Variants in B3GALNT2 observed in about 807,000 individuals in gnomAD.
B3GALNT2 encodes the protein beta-1,3-N-acetylgalactosaminyltransferase 2.
Under a neutral mutation model 61.1 loss-of-function variants are expected in B3GALNT2, and 53 were observed. That is an observed-to-expected ratio of 0.87 (90% CI 0.70 to 1.09). B3GALNT2 has a LOEUF of 1.09. Among genes scored for constraint, B3GALNT2 ranks in the 50% least tolerant of loss-of-function variants. The pLI is 0.00. For missense variants in B3GALNT2, 544 were observed against 623.0 expected, an observed-to-expected ratio of 0.87 and a Z score of 1.35; for synonymous variants, 223 against 237.4, an observed-to-expected ratio of 0.94 and a Z score of 0.56.
chr1:235,483,369 C>T (rs1284828297), intron 4 of B3GALNT2, among the ~76,000 whole-genome samples: 1 of 152,138 alleles, frequency 6.6e-6, no homozygotes, highest in Non-Finnish European at 1.5e-5. Flanking sequence ...AGTTGAAAAT[C>T]CCCCAAATTT....
intron 1 of B3GALNT2, among the ~76,000 whole-genome samples, chr1:235,498,836 T>A (rs1572565189): frequency 1.4e-5 from 1 of 71,940 alleles, no homozygotes; most frequent in East Asian, 1.2e-3. Context: ...AGAGCTAGAC[T>A]CCTTCTCAAA....
chr1:235,496,245 A>G, intron 1 of B3GALNT2: 2 of 285,604 alleles, frequency 7.0e-6, no homozygotes, highest in African/African-American at 2.4e-5. Flanking sequence ...CGGGAGGTGG[A>G]GGTTGGGGTG....
chr1:235,452,282 G>C (rs1318044376), intron 11 of B3GALNT2: 1 of 152,180 alleles, frequency 6.6e-6, no homozygotes, highest in Non-Finnish European at 1.5e-5. Context: ...CTGTTGTTAA[G>C]TTTTAAAGCT....
At chr1:235,485,594 C>T (rs1315041548) in intron 3 of B3GALNT2, among the ~76,000 whole-genome samples, 2 of 152,154 alleles carry the variant, frequency 1.3e-5, no homozygotes, top group African/African-American at 4.8e-5. Context: ...CTGTGCCCAG[C>T]CTTCAAATAA....
chr1:235,440,044 C>T, the B3GALNT2 span, among the ~76,000 whole-genome samples: 1 of 152,160 alleles, frequency 6.6e-6, no homozygotes, highest in Admixed American at 6.5e-5. Context: ...GATCTCCGCT[C>T]ACTGCAAGCT....
chr1:235,448,212 G>C lies in B3GALNT2; in HGVS notation c.*1994C>G. ...AAGACTTACTTAAGTAAGTAAGTAA[G>C]TCAGTCTCAAAAAAAAAAAAAAAAA... On this transcript the variant is annotated 3_prime_UTR_variant, in exon 12 of 12. Transcript: ENST00000366600. 1 of 701,514 alleles carries C rather than the reference G, an allele frequency of 1.4e-6. No individual in the cohort carries two copies. Among genetic ancestry groups the C allele is most frequent in the Admixed American group, 2.5e-5 (1 of 40,526 alleles). 43.5% of individuals were successfully genotyped at this position (701,514 alleles called of 1,614,324 possible). A position where few individuals can be genotyped will look rare whatever the true frequency, so the allele number is the denominator to read the frequency against.
rs543343562 is a variant in B3GALNT2 at position 235,460,083 on chromosome 1, G to A, written c.842-1297C>T. ...GCTGGGATTACAGGCGTGAGCCACT[G>A]CACCAGGCATATAATGTTTTCTTTC... On this transcript the variant is annotated intron_variant, in intron 7 of 11. Coordinates refer to ENST00000366600, the MANE Select transcript of B3GALNT2 (RefSeq NM_152490.5). Among the ~76,000 whole-genome samples the A allele has an allele frequency of 2.7e-5, 4 of 148,390 alleles. No individual in the cohort carries two copies. In the South Asian group the frequency reaches 8.8e-4, roughly 32 times the overall value.
intron 11 of B3GALNT2, chr1:235,450,969 G>A (rs1682862035): frequency 6.6e-6 from 1 of 152,208 alleles, no homozygotes; most frequent in Admixed American, 6.5e-5. Flanking sequence ...CTCATTCAAT[G>A]TTTTGACAAC....
chr1:235,500,761 T>C (rs1196924747), intron 1 of B3GALNT2, among the ~76,000 whole-genome samples: 2 of 152,190 alleles, frequency 1.3e-5, no homozygotes, highest in Non-Finnish European at 2.9e-5. Context: ...CTCAAACTCA[T>C]GGAGTGTTTA....
Position 235,449,015 on chromosome 1 carries a change from C to T in B3GALNT2, c.*1191G>A, listed in dbSNP as rs1364031931. The T allele has an allele frequency of 1.0e-5, 4 of 391,992 alleles. No homozygotes were observed. The highest frequency in any genetic ancestry group is 1.9e-5 in the Non-Finnish European group (4 of 209,080). The allele number at this position is 391,992 out of a possible 1,614,324, so 24.3% of individuals were successfully genotyped here. ...TATTTATTTTTACAGCTCATCACTG[C>T]ATTTCATGATAAGATTTAAATATTA... On this transcript the variant is annotated 3_prime_UTR_variant, in exon 12 of 12. Transcript: ENST00000366600.
chr1:235,481,966 A>G (rs1684581726), intron 4 of B3GALNT2, among the ~76,000 whole-genome samples: 1 of 152,256 alleles, frequency 6.6e-6, no homozygotes, highest in African/African-American at 2.4e-5. Context: ...ATTCCAAAAA[A>G]GAAATTTAAT....
intron 2 of B3GALNT2, 118 bp from the exon 3 acceptor site, chr1:235,489,386 T>TC: frequency 6.9e-7 from 1 of 1,444,002 alleles, no homozygotes; most frequent in Non-Finnish European, 9.2e-7. Context: ...GGATTAATTC[T>TC]CTACCTTTAT....
intron 1 of B3GALNT2, among the ~76,000 whole-genome samples, chr1:235,503,365 A>G (rs1203230868): frequency 6.6e-6 from 1 of 152,250 alleles, no homozygotes; most frequent in African/African-American, 2.4e-5. Flanking sequence ...CCCACTAACA[A>G]AACAATCCGC....
chr1:235,480,947 C>T (rs1418061572), intron 4 of B3GALNT2, among the ~76,000 whole-genome samples: 2 of 120,228 alleles, frequency 1.7e-5, no homozygotes, highest in Admixed American at 9.2e-5. Flanking sequence ...AAAAAAAAAC[C>T]GGACTGATTT....
chr1:235,467,003 C>CATTA (rs1283336154), intron 6 of B3GALNT2, among the ~76,000 whole-genome samples: 6 of 152,106 alleles, frequency 3.9e-5, no homozygotes, highest in Non-Finnish European at 7.3e-5. Flanking sequence ...TGTTTTAAGG[C>CATTA]CAGTAGAACA....
rs776153145 is a variant in B3GALNT2 at position 235,458,783 on chromosome 1, C to A, written c.845G>T (p.Gly282Val). 2.5e-6 allele frequency: 4 copies of A among 1,578,028 alleles called. No homozygotes were observed. Among genetic ancestry groups the A allele is most frequent in the East Asian group, 4.6e-5 (2 of 43,906 alleles). The change falls in exon 8 of 12, where the codon GGT becomes GTT. Residue 282 changes from glycine to valine, a missense_variant. Coordinates refer to ENST00000366600, the MANE Select transcript of B3GALNT2 (RefSeq NM_152490.5). ...AGGFIYTIQE[G>V]DALLHNLHSR... Reference sequence around the variant, plus strand: ...ATGAAGGTTGTGTAAGAGAGCATCACCTTCTATAAAGGAAAAGTTGAGAGT... The same window carrying A: ...ATGAAGGTTGTGTAAGAGAGCATCAACTTCTATAAAGGAAAAGTTGAGAGT...
At chr1:235,484,005 C>G (rs1478889888) in intron 4 of B3GALNT2, among the ~76,000 whole-genome samples, 2 of 152,132 alleles carry the variant, frequency 1.3e-5, no homozygotes, top group Non-Finnish European at 2.9e-5. Context: ...CTCACTTATC[C>G]TAAGAATCCT....
downstream of B3GALNT2, among the ~76,000 whole-genome samples, chr1:235,445,268 TTAATAC>T (rs1447120029): frequency 1.3e-5 from 2 of 152,236 alleles, no homozygotes; most frequent in Admixed American, 6.5e-5. Context: ...ACAAAGGTTC[TTAATAC>T]TAATTCTTAT....
intron 1 of B3GALNT2, among the ~76,000 whole-genome samples, chr1:235,502,164 C>T (rs561471586): frequency 1.7e-4 from 26 of 152,264 alleles, no homozygotes; most frequent in African/African-American, 5.8e-4. Context: ...AGGCATGCAC[C>T]ACTATGCCCG....
Sources: gnomAD v4.1 joint callset for allele counts (sites outside exome capture counted in the v4.1 genomes callset) on GRCh38, gnomAD v4.1.1 for gene constraint, MANE v1.5 for transcripts, NCBI Gene and HGNC (gene_info 2026-07-23, HGNC 2026-07-21) for gene names.